The following MTUS2 variants were observed in gnomAD, a reference collection of about 807,000 sequenced individuals.
MTUS2 encodes microtubule-associated tumor suppressor candidate 2.
A neutral mutation model predicts 114.1 loss-of-function variants in MTUS2; 40 were observed. The observed-to-expected ratio is 0.35, with a 90% CI of 0.27 to 0.46. MTUS2 has a LOEUF of 0.46. MTUS2 is among the 20% of genes least tolerant of loss of function. MTUS2 has a pLI of 1.00. For missense variants in MTUS2, 1,679 were observed against 1,705.4 expected (o/e 0.98, Z 0.27); for synonymous variants, 688 against 672.0 (o/e 1.02, Z -0.37).
intron 2 of MTUS2, among the ~76,000 whole-genome samples, chr13:28,930,188 A>C (rs1323392430): frequency 1.3e-5 from 2 of 152,244 alleles, no homozygotes; most frequent in Admixed American, 1.3e-4. Flanking sequence ...AGGTATGCTC[A>C]TAATCAAAAT....
At chr13:29,378,373 T>A (rs7989940) in intron 8 of MTUS2, among the ~76,000 whole-genome samples, 73,599 of 151,716 alleles carry the variant, frequency 0.49, 19,754 homozygotes, top group East Asian at 0.66. Flanking sequence ...TACAGGAACG[T>A]TAAACATATT....
chr13:29,191,914 A>G (rs1008368935), intron 5 of MTUS2, among the ~76,000 whole-genome samples: 1 of 152,202 alleles, frequency 6.6e-6, no homozygotes, highest in Non-Finnish European at 1.5e-5. Context: ...CAGACTTTGT[A>G]CAGCACCTGT....
At position 29,024,615 on chromosome 13, in the gene MTUS2, C is replaced by T. The variant is rs911513943; in HGVS notation, c.-84C>T. 2.3e-5 allele frequency: 35 copies of T among 1,502,938 alleles called. No homozygotes were observed. Among genetic ancestry groups the T allele is most frequent in the Admixed American group, 4.1e-5 (2 of 48,840 alleles). The allele number at this position is 1,502,938 out of a possible 1,614,324, so 93.1% of individuals were successfully genotyped here. A position where few individuals can be genotyped will look rare whatever the true frequency, so the allele number is the denominator to read the frequency against. ...GGGAGAACAAGCAGCTTGAGAATTT[C>T]CTCTTAATCTGATTGCAGCTTGAAG... On this transcript the variant is annotated 5_prime_UTR_variant, in exon 3 of 16. Coordinates refer to ENST00000612955, the MANE Select transcript of MTUS2 (RefSeq NM_001033602.4).
chr13:29,061,913 G>T (rs377340887), intron 4 of MTUS2, among the ~76,000 whole-genome samples: 1 of 8,758 alleles, frequency 1.1e-4, no homozygotes, highest in African/African-American at 2.5e-4. Flanking sequence ...GTAGCTGAAA[G>T]AAACTAACTT....
At position 29,503,869 on chromosome 13, in the gene MTUS2, G is replaced by T; in HGVS notation, c.*663G>T. ...GAACAATCAGCTTCTCAGTCAACAT[G>T]ATGTGAGATCACTATTATTCCATTC... On this transcript the variant is annotated 3_prime_UTR_variant, in exon 16 of 16. Transcript: ENST00000612955. 1 of 234,166 alleles carries T rather than the reference G, an allele frequency of 4.3e-6. No individual in the cohort carries two copies. Among genetic ancestry groups the T allele is most frequent in the Admixed American group, 5.4e-5 (1 of 18,484 alleles). The allele number at this position is 234,166 out of a possible 1,614,324, so 14.5% of individuals were successfully genotyped here. A position where few individuals can be genotyped will look rare whatever the true frequency, so the allele number is the denominator to read the frequency against.
At chr13:29,395,186 C>T (rs1873817624) in intron 8 of MTUS2, among the ~76,000 whole-genome samples, 1 of 152,088 alleles carries the variant, frequency 6.6e-6, no homozygotes, top group African/African-American at 2.4e-5. Flanking sequence ...TTTTTCCAGT[C>T]TTAAGATGTC....
At chr13:29,349,619 A>G (rs1166111073) in intron 7 of MTUS2, among the ~76,000 whole-genome samples, 3 of 151,818 alleles carry the variant, frequency 2.0e-5, no homozygotes, top group Non-Finnish European at 4.4e-5. Context: ...TATACTTTTG[A>G]TAAATATTTT....
At chr13:28,866,718 TGTA>T (rs1047333560) in intron 2 of MTUS2, among the ~76,000 whole-genome samples, 12 of 152,284 alleles carry the variant, frequency 7.9e-5, no homozygotes, top group African/African-American at 2.6e-4. Context: ...CATGTTAACT[TGTA>T]GTAGTTTGAA....
chr13:29,225,942 T>C (rs1486690161), intron 5 of MTUS2, among the ~76,000 whole-genome samples: 1 of 152,234 alleles, frequency 6.6e-6, no homozygotes, highest in Non-Finnish European at 1.5e-5. Flanking sequence ...TGTTCATTAC[T>C]TCAAGCTTAT....
intron 5 of MTUS2, among the ~76,000 whole-genome samples, chr13:29,151,169 A>G (rs1248835685): frequency 3.3e-5 from 5 of 152,176 alleles, no homozygotes; most frequent in Admixed American, 6.5e-5. Flanking sequence ...CTTCCAGTCC[A>G]TGAACATGAA....
At chr13:29,150,803 C>T (rs1892634219) in intron 5 of MTUS2, among the ~76,000 whole-genome samples, 2 of 152,044 alleles carry the variant, frequency 1.3e-5, no homozygotes, top group South Asian at 4.1e-4. Flanking sequence ...GAGTCCTTTC[C>T]CCATGGCTTA....
At position 29,385,324 on chromosome 13, in the gene MTUS2, C is replaced by T. The variant is rs75930040; in HGVS notation, c.3117+25851C>T. On this transcript the variant is annotated intron_variant, in intron 8 of 15. Coordinates refer to ENST00000612955, the MANE Select transcript of MTUS2 (RefSeq NM_001033602.4). ...GCTCTCTGAAGAGCGATGCTCAGAG[C>T]AGCACTGGGTGCTCGGTGTTTCACA... Among the ~76,000 whole-genome samples, 1,148 of 152,322 alleles carry T rather than the reference C, an allele frequency of 7.5e-3. 13 individuals carry two copies. Among genetic ancestry groups the T allele is most frequent in the African/African-American group, 0.025 (1,050 of 41,560 alleles).
chr13:29,270,437 G>A (rs549081859), intron 5 of MTUS2, among the ~76,000 whole-genome samples: 12 of 152,250 alleles, frequency 7.9e-5, no homozygotes, highest in Admixed American at 3.3e-4. Flanking sequence ...AGAGCCAAGC[G>A]AGTCAGAGCC....
intron 2 of MTUS2, among the ~76,000 whole-genome samples, chr13:28,940,354 G>C (rs1488212551): frequency 6.6e-6 from 1 of 152,116 alleles, no homozygotes; most frequent in Non-Finnish European, 1.5e-5. Flanking sequence ...AGTGAAAGAA[G>C]CTGGAAATAA....
At chr13:29,171,834 C>A (rs1893574468) in intron 5 of MTUS2, among the ~76,000 whole-genome samples, 1 of 152,160 alleles carries the variant, frequency 6.6e-6, no homozygotes, top group African/African-American at 2.4e-5. Context: ...TGTCAGCATT[C>A]CAGTCAGTAG....
intron 5 of MTUS2, among the ~76,000 whole-genome samples, chr13:29,152,207 CTAAA>C (rs1485225226): frequency 2.0e-5 from 3 of 151,910 alleles, no homozygotes; most frequent in Non-Finnish European, 2.9e-5. Flanking sequence ...TAAAATAGTA[CTAAA>C]TAATCACCAT....
chr13:29,375,939 C>T (rs1337293636), intron 8 of MTUS2, among the ~76,000 whole-genome samples: 1 of 151,780 alleles, frequency 6.6e-6, no homozygotes, highest in Non-Finnish European at 1.5e-5. Flanking sequence ...GACTTCACCA[C>T]TTTATAATCC....
chr13:29,002,511 C>G (rs1308630320), intron 2 of MTUS2, among the ~76,000 whole-genome samples: 2 of 152,154 alleles, frequency 1.3e-5, no homozygotes, highest in Admixed American at 1.3e-4. Context: ...AAGTTCTATT[C>G]TGAAGCAGAA....
In MTUS2 at chr13:29,504,574, G is replaced by A; in HGVS notation, c.*1368G>A. Reference sequence around the variant, plus strand: ...ACAGAGGAGCCCAGTGAAACAGCCAGCCAGGGGGCACCAGCTCCTGGACTG... The same window carrying A: ...ACAGAGGAGCCCAGTGAAACAGCCAACCAGGGGGCACCAGCTCCTGGACTG... On this transcript the variant is annotated 3_prime_UTR_variant, in exon 16 of 16. Coordinates refer to ENST00000612955, the MANE Select transcript of MTUS2 (RefSeq NM_001033602.4). 1 of 232,970 alleles carries A rather than the reference G, an allele frequency of 4.3e-6. No homozygotes were observed. Among genetic ancestry groups the A allele is most frequent in the Non-Finnish European group, 8.5e-6 (1 of 117,840 alleles). The allele number at this position is 232,970 out of a possible 1,614,324, so 14.4% of individuals were successfully genotyped here. A position where few individuals can be genotyped will look rare whatever the true frequency, so the allele number is the denominator to read the frequency against.
Sources: gnomAD v4.1 joint callset for allele counts (sites outside exome capture counted in the v4.1 genomes callset) on GRCh38, gnomAD v4.1.1 for gene constraint, MANE v1.5 for transcripts, NCBI Gene and HGNC (gene_info 2026-07-23, HGNC 2026-07-21) for gene names.